Variants in PEAK1 observed in about 807,000 individuals in gnomAD.
PEAK1 encodes pseudopodium enriched atypical kinase 1.
In PEAK1, 54 loss-of-function variants were observed where a neutral mutation model predicts 124.7. The ratio of observed to expected loss-of-function variants is 0.43; its 90% CI spans 0.35 to 0.54. The LOEUF (loss-of-function observed/expected upper bound fraction) is 0.54, where lower values mean the gene tolerates loss of function less well. Ranked by LOEUF, PEAK1 falls within the 20% of genes least tolerant of loss-of-function variation. The pLI, the probability that PEAK1 is intolerant of heterozygous loss-of-function variation, is 0.01. For synonymous variants in PEAK1, 719 were observed against 760.0 expected (o/e 0.95, Z 0.89); for missense variants, 2,046 against 2,134.5 (o/e 0.96, Z 0.82).
chr15:77,184,624 C>T (rs184922846), intron 6 of PEAK1, among the ~76,000 whole-genome samples: 5 of 152,298 alleles, frequency 3.3e-5, no homozygotes, highest in East Asian at 1.9e-4. Flanking sequence ...AGGCTGGGCG[C>T]GGTAGCTCAT....
intron 5 of PEAK1, among the ~76,000 whole-genome samples, chr15:77,280,034 C>T (rs1029030326): frequency 3.9e-5 from 6 of 152,128 alleles, no homozygotes; most frequent in African/African-American, 1.2e-4. Flanking sequence ...TTAAAGCTCA[C>T]AGAACTTATG....
rs181123145 is a variant in PEAK1, at chr15:77,216,269, G to A, written c.-114-34229C>T. On this transcript the variant is annotated intron_variant, in intron 6 of 9. Transcript: ENST00000682557. Reference sequence around the variant, plus strand: ...TAAGTCTTTAATATGAGGGATCTTCGAAAAGTTCATGGAAAATGTGTATTA... The same window carrying A: ...TAAGTCTTTAATATGAGGGATCTTCAAAAAGTTCATGGAAAATGTGTATTA... Among the ~76,000 whole-genome samples, 17 of 152,212 alleles carry A rather than the reference G, an allele frequency of 1.1e-4. No individual in the cohort carries two copies. The East Asian group carries it at 3.1e-3, about 28-fold the overall frequency.
intron 1 of PEAK1, among the ~76,000 whole-genome samples, chr15:77,398,246 C>T (rs1175305444): frequency 6.6e-6 from 1 of 152,118 alleles, no homozygotes; most frequent in Admixed American, 6.5e-5. Flanking sequence ...TGCTTCCAAA[C>T]TCATTCTATG....
chr15:77,146,080 C>T (rs1013089150), intron 8 of PEAK1, among the ~76,000 whole-genome samples: 1 of 152,156 alleles, frequency 6.6e-6, no homozygotes, highest in African/African-American at 2.4e-5. Flanking sequence ...AAGAGACCAT[C>T]GCCTCCACTA....
Position 77,109,198 on chromosome 15 carries a change from A to G in PEAK1, c.*4958T>C, listed in dbSNP as rs1382272202. ...TTTAAAAAAATCTTCCGCTCTCAGT[A>G]TTATATGATGTTCTCAAGCTGAGGT... On this transcript the variant is annotated 3_prime_UTR_variant, in exon 10 of 10. Coordinates refer to ENST00000682557, the MANE Select transcript of PEAK1 (RefSeq NM_001385026.1). The G allele has an allele frequency of 6.6e-6, 1 of 152,230 alleles. No homozygotes were observed. The highest frequency in any genetic ancestry group is 1.5e-5 in the Non-Finnish European group (1 of 68,038). The allele number at this position is 152,230 out of a possible 1,614,324, so 9.4% of individuals were successfully genotyped here.
chr15:77,299,581 A>T (rs934536405), intron 2 of PEAK1, among the ~76,000 whole-genome samples: 23 of 152,230 alleles, frequency 1.5e-4, no homozygotes, highest in Admixed American at 9.2e-4. Flanking sequence ...TAGTCTCTTT[A>T]AATCTGGAAT....
intron 6 of PEAK1, among the ~76,000 whole-genome samples, chr15:77,250,749 A>G (rs2060841597): frequency 6.6e-6 from 1 of 151,932 alleles, no homozygotes; most frequent in Non-Finnish European, 1.5e-5. Flanking sequence ...TTATATTTTT[A>G]ATAGAGATGG....
chr15:77,126,365 A>C (rs950080105), intron 9 of PEAK1, among the ~76,000 whole-genome samples: 2 of 152,124 alleles, frequency 1.3e-5, no homozygotes, highest in Non-Finnish European at 2.9e-5. Context: ...GTTTGTTTCC[A>C]ATTTTTGGAA....
At chr15:77,369,984 T>C (rs1224370203) in intron 1 of PEAK1, among the ~76,000 whole-genome samples, 2 of 152,194 alleles carry the variant, frequency 1.3e-5, no homozygotes. Context: ...CCACTGAGCC[T>C]TTCCTACACA....
chr15:77,210,793 T>C (rs531183857), intron 6 of PEAK1, among the ~76,000 whole-genome samples: 1 of 152,266 alleles, frequency 6.6e-6, no homozygotes, highest in East Asian at 1.9e-4. Context: ...GGCAGGAGAA[T>C]GGCTTGAACC....
Position 77,112,704 on chromosome 15 carries a change from C to A in PEAK1, c.*1452G>T, listed in dbSNP as rs966365413. ...ACACACACACACACACACACACACA[C>A]AACCCCAGTGGAAGGAACGCTCATC... On this transcript the variant is annotated 3_prime_UTR_variant, in exon 10 of 10. Coordinates refer to ENST00000682557, the MANE Select transcript of PEAK1 (RefSeq NM_001385026.1). 7.2e-6 allele frequency: 1 copy of A among 138,064 alleles called. No homozygotes were observed. Among genetic ancestry groups the A allele is most frequent in the Non-Finnish European group, 1.6e-5 (1 of 61,834 alleles). 8.6% of individuals were successfully genotyped at this position (138,064 alleles called of 1,614,324 possible). A position where few individuals can be genotyped will look rare whatever the true frequency, so the allele number is the denominator to read the frequency against.
chr15:77,244,891 C>A (rs891190358), intron 6 of PEAK1, among the ~76,000 whole-genome samples: 1 of 152,134 alleles, frequency 6.6e-6, no homozygotes, highest in East Asian at 1.9e-4. Flanking sequence ...CTTTATAACA[C>A]CCTCCCAATC....
At chr15:77,391,210 A>T (rs752689374) in intron 1 of PEAK1, among the ~76,000 whole-genome samples, 1 of 152,102 alleles carries the variant, frequency 6.6e-6, no homozygotes, top group African/African-American at 2.4e-5. Context: ...ACATAGTTTC[A>T]CATAAAGAAT....
At chr15:77,291,767 G>C (rs1567219502) in intron 2 of PEAK1, among the ~76,000 whole-genome samples, 1 of 152,070 alleles carries the variant, frequency 6.6e-6, no homozygotes, top group Non-Finnish European at 1.5e-5. Flanking sequence ...CACGAGGTCA[G>C]GAGATCGAGA....
chr15:77,134,528 T>A (rs184791221), intron 8 of PEAK1, among the ~76,000 whole-genome samples: 57 of 152,356 alleles, frequency 3.7e-4, no homozygotes, highest in Admixed American at 3.7e-3. Context: ...TTTCAACATC[T>A]TTTATAAGCC....
chr15:77,125,595 C>A (rs2052308138), intron 9 of PEAK1, among the ~76,000 whole-genome samples: 1 of 152,018 alleles, frequency 6.6e-6, no homozygotes, highest in South Asian at 2.1e-4. Flanking sequence ...TTCCATTTTA[C>A]AGATAAAGAC....
chr15:77,109,557 A>G lies in PEAK1; in HGVS notation c.*4599T>C, dbSNP rs946731867. 1 of 152,088 alleles carries G rather than the reference A, an allele frequency of 6.6e-6. No homozygotes were observed. The highest frequency in any genetic ancestry group is 2.4e-5 in the African/African-American group (1 of 41,414). 9.4% of individuals were successfully genotyped at this position (152,088 alleles called of 1,614,324 possible). A position where few individuals can be genotyped will look rare whatever the true frequency, so the allele number is the denominator to read the frequency against. ...CAACTCTTCTGGCTTCCCTTATGGC[A>G]CCGTTTTTGGTCCATGGAATCCCCA... On this transcript the variant is annotated 3_prime_UTR_variant, in exon 10 of 10. Coordinates refer to ENST00000682557, the MANE Select transcript of PEAK1 (RefSeq NM_001385026.1).
intron 8 of PEAK1, among the ~76,000 whole-genome samples, chr15:77,136,010 G>C (rs374233209): frequency 6.6e-5 from 10 of 152,196 alleles, no homozygotes; most frequent in Non-Finnish European, 8.8e-5. Context: ...GCAGAGGTTA[G>C]AACAGTGTGG....
chr15:77,403,980 G>C (rs1189550071), intron 1 of PEAK1: 1 of 963,996 alleles, frequency 1.0e-6, no homozygotes, highest in Non-Finnish European at 1.2e-6. Flanking sequence ...CAAGGGTTTG[G>C]TACAGATTAT....
Sources: allele counts gnomAD v4.1 joint callset (sites outside exome capture counted in the v4.1 genomes callset), GRCh38; gene constraint gnomAD v4.1.1; transcripts MANE v1.5; gene names NCBI Gene and HGNC (gene_info 2026-07-23, HGNC 2026-07-21).